PRKG1: variants seen among roughly 807,000 people sequenced by gnomAD.
PRKG1 encodes protein kinase cGMP-dependent 1, also known as cGMP-dependent protein kinase 1.
Under a neutral mutation model 88.1 loss-of-function variants are expected in PRKG1, and 35 were observed. The ratio of observed to expected loss-of-function variants is 0.40; its 90% CI spans 0.30 to 0.53. The LOEUF (loss-of-function observed/expected upper bound fraction) is 0.53. Among genes scored for constraint, PRKG1 ranks in the 20% least tolerant of loss-of-function variants. PRKG1 has a pLI of 0.59. For missense variants in PRKG1, 540 were observed against 839.8 expected, an observed-to-expected ratio of 0.64 and a Z score of 4.41; for synonymous variants, 303 against 292.5, an observed-to-expected ratio of 1.04 and a Z score of -0.37.
chr10:51,215,227 G>T (rs1484775351), intron 2 of PRKG1, among the ~76,000 whole-genome samples: 1 of 152,120 alleles, frequency 6.6e-6, no homozygotes, highest in Non-Finnish European at 1.5e-5. Context: ...GCTAATTAAT[G>T]GTGTCATGTT....
intron 2 of PRKG1, among the ~76,000 whole-genome samples, chr10:51,226,195 CTCTG>C (rs1814144527): frequency 6.6e-6 from 1 of 152,126 alleles, no homozygotes; most frequent in Non-Finnish European, 1.5e-5. Flanking sequence ...CAGAGTGAGA[CTCTG>C]TCTGCAAAAA....
chr10:51,863,755 G>T (rs1366953651), intron 4 of PRKG1, among the ~76,000 whole-genome samples: 1 of 152,156 alleles, frequency 6.6e-6, no homozygotes, highest in Non-Finnish European at 1.5e-5. Flanking sequence ...TTGTAAGAAA[G>T]AAATCTCTGT....
intron 1 of PRKG1, among the ~76,000 whole-genome samples, chr10:51,018,030 C>T (rs1405926827): frequency 6.6e-6 from 1 of 151,884 alleles, no homozygotes; most frequent in Non-Finnish European, 1.5e-5. Flanking sequence ...CCATGTTGCC[C>T]AGGCTGGTCT....
At chr10:51,936,829 T>A (rs977706750) in intron 5 of PRKG1, among the ~76,000 whole-genome samples, 8 of 152,168 alleles carry the variant, frequency 5.3e-5, no homozygotes, top group Non-Finnish European at 2.9e-5. Context: ...ATGTGAAATA[T>A]GCATTCCTGG....
intron 2 of PRKG1, among the ~76,000 whole-genome samples, chr10:51,254,266 G>A (rs919004600): frequency 2.0e-5 from 3 of 151,794 alleles, no homozygotes; most frequent in Admixed American, 6.6e-5. Flanking sequence ...TTAGTATTTT[G>A]TACACCTATA....
chr10:51,832,854 TAA>T (rs1260351135), intron 4 of PRKG1, among the ~76,000 whole-genome samples: 1 of 152,124 alleles, frequency 6.6e-6, no homozygotes, highest in African/African-American at 2.4e-5. Context: ...ATCGCACAGA[TAA>T]AGTCTCTCTG....
At chr10:52,252,275 A>G (rs1841191255) in intron 10 of PRKG1, 1 of 152,200 alleles carries the variant, frequency 6.6e-6, no homozygotes, top group South Asian at 2.1e-4. Flanking sequence ...GTACAAGTTC[A>G]TACATTAAAT....
intron 9 of PRKG1, among the ~76,000 whole-genome samples, chr10:52,188,282 A>ATG (rs1839265356): frequency 3.6e-5 from 1 of 27,666 alleles, no homozygotes; most frequent in African/African-American, 9.3e-5. Flanking sequence ...ATATATACAT[A>ATG]TATATGTGTA....
intron 5 of PRKG1, among the ~76,000 whole-genome samples, chr10:52,038,018 C>A: frequency 6.6e-6 from 1 of 152,206 alleles, no homozygotes; most frequent in South Asian, 2.1e-4. Context: ...GACCATTTGG[C>A]TATTTTACGA....
At position 51,534,074 on chromosome 10, in the gene PRKG1, G is replaced by A. The variant is rs571797531; in HGVS notation, c.592+66238G>A. Among the ~76,000 whole-genome samples, 3 of 152,172 alleles carry A rather than the reference G, an allele frequency of 2.0e-5. No homozygotes were observed. The East Asian group carries it at 5.8e-4, about 29-fold the overall frequency. Reference sequence around the variant, plus strand: ...AGGAAGATCAAGGAAATAGGATTTGGGCCAAAGAAAGAAAAGAGAAGGCAG... The same window carrying A: ...AGGAAGATCAAGGAAATAGGATTTGAGCCAAAGAAAGAAAAGAGAAGGCAG... On this transcript the variant is annotated intron_variant, in intron 3 of 17. Transcript: ENST00000373980.
chr10:52,135,988 G>C (rs1425541345), intron 8 of PRKG1, among the ~76,000 whole-genome samples: 1 of 152,008 alleles, frequency 6.6e-6, no homozygotes, highest in Non-Finnish European at 1.5e-5. Context: ...AAGCAGAGCG[G>C]TGTAGGAGAC....
rs114362884 is a variant in PRKG1 at position 51,242,736 on chromosome 10, T to C, written c.478+89406T>C. 5.7e-3 allele frequency among the ~76,000 whole-genome samples: 861 copies of C among 152,280 alleles called. 3 individuals are homozygous for C. Among genetic ancestry groups the C allele is most frequent in the African/African-American group, 0.02 (817 of 41,562 alleles). ...AAGATTGTAATTGACCAGAGGTTGA[T>C]ATAATTTTTGAAAAGAAGCTCAATC... On this transcript the variant is annotated intron_variant, in intron 2 of 17. Coordinates refer to ENST00000373980, the MANE Select transcript of PRKG1 (RefSeq NM_006258.4).
At chr10:51,360,017 T>C (rs758328031) in intron 2 of PRKG1, among the ~76,000 whole-genome samples, 1 of 151,924 alleles carries the variant, frequency 6.6e-6, no homozygotes, top group Non-Finnish European at 1.5e-5. Flanking sequence ...TTCTGGGGTA[T>C]CCTGATGGAA....
At chr10:51,334,653 G>A (rs950191308) in intron 2 of PRKG1, among the ~76,000 whole-genome samples, 2 of 152,022 alleles carry the variant, frequency 1.3e-5, no homozygotes, top group African/African-American at 4.8e-5. Flanking sequence ...CGTTTCCAAG[G>A]AACAACTTTT....
intron 3 of PRKG1, among the ~76,000 whole-genome samples, chr10:51,705,081 T>C (rs2132421998): frequency 6.6e-6 from 1 of 152,306 alleles, no homozygotes; most frequent in African/African-American, 2.4e-5. Context: ...ATTGTACCAC[T>C]CACTTTTTAT....
At position 51,564,362 on chromosome 10, in the gene PRKG1, G is replaced by C. The variant is rs985922290; in HGVS notation, c.592+96526G>C. Among the ~76,000 whole-genome samples the C allele has an allele frequency of 3.3e-5, 5 of 152,026 alleles. No homozygotes were observed. The East Asian group carries it at 9.7e-4, about 29-fold the overall frequency. On this transcript the variant is annotated intron_variant, in intron 3 of 17. Coordinates refer to ENST00000373980, the MANE Select transcript of PRKG1 (RefSeq NM_006258.4). ...TAAATGCTATAGAGAGAAATAAAAA[G>C]GCCTAGAGTTTGGGGGCAGTGGTTA...
chr10:51,521,933 C>A (rs963838326), intron 3 of PRKG1, among the ~76,000 whole-genome samples: 2 of 152,026 alleles, frequency 1.3e-5, no homozygotes, highest in African/African-American at 4.8e-5. Context: ...CTTCTTTTTT[C>A]TTTGTAATCA....
At chr10:52,226,745 G>T (rs10824262) in intron 9 of PRKG1, among the ~76,000 whole-genome samples, 74,818 of 151,594 alleles carry the variant, frequency 0.49, 20,727 homozygotes, top group East Asian at 0.79. Context: ...ATTCCTTCAG[G>T]ACTATTAGGT....
rs1239181173 is a variant in PRKG1 at position 51,129,569 on chromosome 10, A to C, written c.312-23595A>C. Among the ~76,000 whole-genome samples the C allele has an allele frequency of 3.3e-5, 5 of 152,226 alleles. No individual in the cohort carries two copies. The East Asian group carries it at 9.6e-4, about 29-fold the overall frequency. On this transcript the variant is annotated intron_variant, in intron 1 of 17. Coordinates refer to ENST00000373980, the MANE Select transcript of PRKG1 (RefSeq NM_006258.4). ...GACAAAACTTTTTCACTTATAGTTA[A>C]ATTATAAGGTAGAGTCAAGTGAGAC... is the stretch of plus-strand genomic sequence containing the variant.
Sources: allele counts gnomAD v4.1 joint callset (sites outside exome capture counted in the v4.1 genomes callset), GRCh38; gene constraint gnomAD v4.1.1; transcripts MANE v1.5; gene names NCBI Gene and HGNC (gene_info 2026-07-23, HGNC 2026-07-21).